TRPM7: variants seen among roughly 807,000 people sequenced by gnomAD.
The protein encoded by TRPM7 is LTRPC ion channel family member 7.
TRPM7 carries 134 observed loss-of-function variants against 229.7 expected under a neutral mutation model. The observed-to-expected ratio is 0.58, with a 90% CI of 0.51 to 0.67. The LOEUF is 0.67. TRPM7 is among the 30% of genes least tolerant of loss of function. The pLI, the probability that TRPM7 is intolerant of heterozygous loss-of-function variation, is 0.00. For synonymous variants in TRPM7, 699 were observed against 715.2 expected (o/e 0.98, Z 0.36); for missense variants, 1,901 against 2,210.0 (o/e 0.86, Z 2.80).
At chr15:50,647,570 C>G (rs1457487268) in intron 4 of TRPM7, among the ~76,000 whole-genome samples, 3 of 152,026 alleles carry the variant, frequency 2.0e-5, no homozygotes, top group Non-Finnish European at 4.4e-5. Flanking sequence ...ACAATGAAAC[C>G]CTGTCTCTAC....
intron 23 of TRPM7, among the ~76,000 whole-genome samples, chr15:50,595,369 T>C (rs536730062): frequency 9.2e-5 from 14 of 151,948 alleles, no homozygotes; most frequent in African/African-American, 2.9e-4. Context: ...CAAGCAAGTA[T>C]TGCTCACAGA....
Position 50,561,794 on chromosome 15 carries a change from C to T in TRPM7, c.5482G>A (p.Asp1828Asn). ...KLKLPDLKRN[D>N]YTPDKIIFPQ... ...AATATAATTTTATCAGGCGTATAAT[C>T]ATTCCTCTTCAGATCTACATTGAAC... The change falls in exon 39 of 39, where the codon GAT (aspartate) becomes AAT (asparagine). Residue 1828 changes from aspartate (D) to asparagine (N), a missense_variant. Asp to Asn is a conservative substitution (Grantham distance 23, BLOSUM62 1). This residue lies in a region of TRPM7 where 257 missense variants were observed against 352.0 expected (regional missense o/e 0.73). Coordinates refer to ENST00000646667, the MANE Select transcript of TRPM7 (RefSeq NM_017672.6). The T allele has an allele frequency of 6.2e-7, 1 of 1,603,392 alleles. No individual in the cohort carries two copies. Among genetic ancestry groups the T allele is most frequent in the Non-Finnish European group, 8.5e-7 (1 of 1,176,358 alleles).
intron 3 of TRPM7, among the ~76,000 whole-genome samples, chr15:50,650,999 G>A (rs942696072): frequency 1.2e-4 from 18 of 151,920 alleles, no homozygotes; most frequent in Non-Finnish European, 2.6e-4. Context: ...ACCAGCCCGG[G>A]CAACATGGTG....
At chr15:50,613,872 A>G in intron 14 of TRPM7, 31 bp from the exon 15 acceptor site, 1 of 1,598,948 alleles carries the variant, frequency 6.3e-7, no homozygotes, top group Non-Finnish European at 8.5e-7. Context: ...GCTTTTATAG[A>G]TTTAAACGTG....
At chr15:50,617,397 G>A (rs2060257456) in intron 13 of TRPM7, among the ~76,000 whole-genome samples, 1 of 151,082 alleles carries the variant, frequency 6.6e-6, no homozygotes, top group South Asian at 2.1e-4. Flanking sequence ...CAGCTACTCG[G>A]GAGGCTGAGG....
At chr15:50,665,798 C>T (rs1442156543) in intron 1 of TRPM7, among the ~76,000 whole-genome samples, 1 of 152,078 alleles carries the variant, frequency 6.6e-6, no homozygotes, top group African/African-American at 2.4e-5. Flanking sequence ...AGCTCAAGAC[C>T]AGCCTGACCA....
At chr15:50,616,604 C>G (rs926837622) in intron 13 of TRPM7, among the ~76,000 whole-genome samples, 1 of 151,634 alleles carries the variant, frequency 6.6e-6, no homozygotes, top group African/African-American at 2.4e-5. Context: ...GGTAACTTTT[C>G]GAAGTATTAT....
At chr15:50,569,832 T>C (rs1041523250) in intron 38 of TRPM7, 55 bp downstream of exon 38, 13 of 1,178,886 alleles carry the variant, frequency 1.1e-5, no homozygotes, top group East Asian at 4.8e-5. Flanking sequence ...TGAGGTATTG[T>C]AGTAACCAAG....
rs201997665 is a variant in TRPM7, at chr15:50,644,797, C to CAA, written c.322-1246_322-1245dup. Among the ~76,000 whole-genome samples, 352 of 63,932 alleles carry CAA rather than the reference C, an allele frequency of 5.5e-3. 5 individuals carry two copies. Among genetic ancestry groups the CAA allele is most frequent in the African/African-American group, 0.017 (191 of 11,102 alleles). 41.9% of individuals were successfully genotyped at this position (63,932 alleles called of 152,430 possible). A position where few individuals can be genotyped will look rare whatever the true frequency, so the allele number is the denominator to read the frequency against. On this transcript the variant is annotated intron_variant, in intron 4 of 38. Transcript: ENST00000646667. ...GGGCAACAAGAGCGAAACTGCGTCT[C>CAA]AAAAAAAAAAAAAAAAAAAAAAAAA...
At chr15:50,598,161 G>A (rs969886339) in intron 22 of TRPM7, among the ~76,000 whole-genome samples, 3 of 152,106 alleles carry the variant, frequency 2.0e-5, no homozygotes, top group Non-Finnish European at 2.9e-5. Context: ...CACAGATATT[G>A]GGGGAGGTAA....
Position 50,607,417 on chromosome 15 carries a change from A to T in TRPM7, c.2581-89T>A. 2 of 1,138,776 alleles carry T rather than the reference A, an allele frequency of 1.8e-6. 1 individual carries two copies. Among genetic ancestry groups the T allele is most frequent in the South Asian group, 3.6e-5 (2 of 55,192 alleles). The allele number at this position is 1,138,776 out of a possible 1,614,324, so 70.5% of individuals were successfully genotyped here. On this transcript the variant is annotated intron_variant, in intron 19 of 38. Coordinates refer to ENST00000646667, the MANE Select transcript of TRPM7 (RefSeq NM_017672.6). ...CATTTTCAAACACACACAAAAACAG[A>T]CATTAAATGAACCTCTGTAAATTAT...
intron 21 of TRPM7, among the ~76,000 whole-genome samples, chr15:50,602,677 T>A (rs2059812345): frequency 6.6e-6 from 1 of 152,220 alleles, no homozygotes. Flanking sequence ...CCATGTCTTA[T>A]TCATCTTTGT....
rs1214936380 is a variant in TRPM7, at chr15:50,574,669, T to C, written c.5070A>G (p.Gln1690=). ...AATATGGTATGGATTTGGGTTTCAT[T>C]TGATTAAAGGCAAACGTAAGCTTTT... ...AAQKLTFAFN[Q]MKPKSIPYSP... Residue 1690 remains glutamine, a synonymous_variant, in exon 35 of 39, where the codon CAA becomes CAG. Transcript: ENST00000646667. The C allele has an allele frequency of 3.7e-6, 6 of 1,613,668 alleles. No homozygotes were observed. Among genetic ancestry groups the C allele is most frequent in the African/African-American group, 1.3e-5 (1 of 74,902 alleles).
chr15:50,682,490 C>A (rs2062264863), intron 1 of TRPM7, among the ~76,000 whole-genome samples: 1 of 151,396 alleles, frequency 6.6e-6, no homozygotes, highest in South Asian at 2.1e-4. Context: ...GCAGGAGAAT[C>A]ACTTGAATCC....
intron 1 of TRPM7, among the ~76,000 whole-genome samples, chr15:50,663,825 TG>T (rs2140925694): frequency 6.6e-6 from 1 of 152,200 alleles, no homozygotes; most frequent in Admixed American, 6.5e-5. Flanking sequence ...TAGCCAGGTA[TG>T]GTGATGTGCT....
chr15:50,634,319 C>T (rs62017191), intron 8 of TRPM7, 63 bp downstream of exon 8: 225,864 of 1,246,332 alleles, frequency 0.18, 22,559 homozygotes, highest in Admixed American at 0.3. Context: ...AGCAAGACTC[C>T]GTATCAAAAA....
At chr15:50,653,565 A>C (rs1483229423) in intron 3 of TRPM7, among the ~76,000 whole-genome samples, 3 of 152,166 alleles carry the variant, frequency 2.0e-5, no homozygotes, top group South Asian at 4.1e-4. Context: ...CCTTGAAATG[A>C]GGGAAACACA....
At chr15:50,639,354 G>C in intron 6 of TRPM7, 70 bp downstream of exon 6, 1 of 1,251,580 alleles carries the variant, frequency 8.0e-7, no homozygotes, top group South Asian at 1.8e-5. Context: ...ATTTTAAACT[G>C]GCACTATTCT....
Position 50,580,597 on chromosome 15 carries a change from G to C in TRPM7, c.4592+277C>G, listed in dbSNP as rs556654369. 3.9e-5 allele frequency among the ~76,000 whole-genome samples: 6 copies of C among 152,176 alleles called. No homozygotes were observed. In the East Asian group the frequency reaches 1.2e-3, roughly 29 times the overall value. On this transcript the variant is annotated intron_variant, in intron 30 of 38. Coordinates refer to ENST00000646667, the MANE Select transcript of TRPM7 (RefSeq NM_017672.6). ...TTATTCAGGAATAAGTTAGAAACAG[G>C]ACTAAATAATAAAATCAGAATTGTA...
Sources: allele counts gnomAD v4.1 joint callset (sites outside exome capture counted in the v4.1 genomes callset), GRCh38; gene constraint gnomAD v4.1.1; regional missense constraint gnomAD v4.1.1; transcripts MANE v1.5; gene names NCBI Gene and HGNC (gene_info 2026-07-23, HGNC 2026-07-21).